TENM1: variants seen among roughly 807,000 people sequenced by gnomAD.
The protein encoded by TENM1 is teneurin-1.
Under a neutral mutation model 174.8 loss-of-function variants are expected in TENM1, and 35 were observed. The observed-to-expected ratio is 0.20, with a 90% CI of 0.15 to 0.27. The LOEUF (loss-of-function observed/expected upper bound fraction) is 0.27, where lower values mean the gene tolerates loss of function less well. Ranked by LOEUF, TENM1 falls within the 10% of genes least tolerant of loss-of-function variation. TENM1 has a pLI of 1.00. For synonymous variants in TENM1, 781 were observed against 798.7 expected, an observed-to-expected ratio of 0.98 and a Z score of 0.37; for missense variants, 1,633 against 2,130.1, an observed-to-expected ratio of 0.77 and a Z score of 4.59.
chrX:124,436,380 C>T (rs1280138558), intron 23 of TENM1, among the ~76,000 whole-genome samples: 1 of 111,518 alleles, frequency 9.0e-6, no homozygotes, highest in East Asian at 2.8e-4. Context: ...GTCATCTCAA[C>T]AGTAGCCCTT....
At chrX:124,483,648 T>G (rs2046892048) in intron 21 of TENM1, among the ~76,000 whole-genome samples, 2 of 112,659 alleles carry the variant, frequency 1.8e-5, no homozygotes, top group African/African-American at 6.4e-5. Context: ...TATTGTGTAT[T>G]TGTTTACTAA....
chrX:125,203,286 T>C, the TENM1 span, among the ~76,000 whole-genome samples: 4 of 112,638 alleles, frequency 3.6e-5, no homozygotes, highest in Non-Finnish European at 7.5e-5. Context: ...TGGACCCCAG[T>C]GGCAGAGCCC....
chrX:125,105,040 C>A, the TENM1 span, among the ~76,000 whole-genome samples: 2 of 112,038 alleles, frequency 1.8e-5, no homozygotes, highest in East Asian at 5.6e-4. Flanking sequence ...GGGTCATTTT[C>A]TATGGTCCTC....
At chrX:124,671,601 G>A (rs2051922568) in intron 6 of TENM1, 82 bp downstream of exon 9, 1 of 956,286 alleles carries the variant, frequency 1.0e-6, no homozygotes, top group Admixed American at 2.7e-5. Flanking sequence ...AATTTAATGT[G>A]AAGTGAAACC....
chrX:124,997,096 G>A, the TENM1 span, among the ~76,000 whole-genome samples: 7 of 111,200 alleles, frequency 6.3e-5, no homozygotes, highest in African/African-American at 2.0e-4. Context: ...TTCAGGGGAC[G>A]TACAAGAGAT....
chrX:124,751,995 G>A (rs1603127022), intron 3 of TENM1, among the ~76,000 whole-genome samples: 1 of 110,457 alleles, frequency 9.1e-6, no homozygotes, highest in Non-Finnish European at 1.9e-5. Flanking sequence ...ATAGTCCTTT[G>A]GGTATATACC....
At chrX:124,405,032 C>T (rs2060447088) in exon 27 of TENM1, 1 of 1,205,378 alleles carries the variant, frequency 8.3e-7, no homozygotes, top group Non-Finnish European at 1.1e-6. Flanking sequence ...AAGCCTTACC[C>T]TCAGCCTCCT....
At chrX:124,713,253 T>C (rs749123979) in intron 4 of TENM1, among the ~76,000 whole-genome samples, 6 of 111,087 alleles carry the variant, frequency 5.4e-5, no homozygotes, top group Admixed American at 4.8e-4. Context: ...ATCGTTACTA[T>C]CGTGATTTGC....
chrX:124,748,587 C>T, intron 3 of TENM1, among the ~76,000 whole-genome samples: 1 of 111,316 alleles, frequency 9.0e-6, no homozygotes, highest in Non-Finnish European at 1.9e-5. Flanking sequence ...GTCTTAGTTT[C>T]ATTTGTTTGT....
intron 4 of TENM1, among the ~76,000 whole-genome samples, chrX:124,721,973 T>C (rs756163510): frequency 2.7e-5 from 3 of 112,282 alleles, no homozygotes; most frequent in Non-Finnish European, 5.6e-5. Context: ...GCTAAGCCTT[T>C]TGATTTTGAC....
chrX:124,430,915 T>C (rs1032073981), intron 23 of TENM1, among the ~76,000 whole-genome samples: 1 of 112,084 alleles, frequency 8.9e-6, no homozygotes, highest in Non-Finnish European at 1.9e-5. Flanking sequence ...CAGAAAATGC[T>C]ACCTTAATTG....
chrX:124,661,002 T>G (rs1414720175), intron 6 of TENM1, among the ~76,000 whole-genome samples: 1 of 112,285 alleles, frequency 8.9e-6, no homozygotes, highest in Non-Finnish European at 1.9e-5. Flanking sequence ...AACTAATGAA[T>G]GGATAAACAA....
At chrX:124,968,220 C>T (rs1220270673), upstream of TENM1, among the ~76,000 whole-genome samples, 2 of 111,364 alleles carry the variant, frequency 1.8e-5, no homozygotes, top group African/African-American at 3.3e-5. Context: ...AATAATTCAC[C>T]TAACTTCATT....
rs1321324426 is a variant in TENM1, at chrX:124,583,318, G to T, written c.2078-17758C>A. Among the ~76,000 whole-genome samples, 4 of 111,197 alleles carry T rather than the reference G, an allele frequency of 3.6e-5. No homozygotes were observed. The East Asian group carries it at 8.6e-4, about 24-fold the overall frequency. ...GGCAGACTGACATCTCACACGGCCGGGTACTCCTCTGAGACAAAACTTCCA... is the reference window on the plus strand; with the variant it reads ...GGCAGACTGACATCTCACACGGCCGTGTACTCCTCTGAGACAAAACTTCCA... On this transcript the variant is annotated intron_variant, in intron 11 of 31. Transcript: ENST00000422452.
At chrX:124,777,629 T>C (rs938475411) in intron 3 of TENM1, among the ~76,000 whole-genome samples, 2 of 111,908 alleles carry the variant, frequency 1.8e-5, no homozygotes, top group Non-Finnish European at 3.8e-5. Context: ...TGATGTGCAG[T>C]GACTGGAAGA....
At chrX:124,409,226 A>G (rs945872404) in intron 25 of TENM1, among the ~76,000 whole-genome samples, 1 of 110,908 alleles carries the variant, frequency 9.0e-6, no homozygotes, top group African/African-American at 3.3e-5. Flanking sequence ...CTAGTTCTAG[A>G]TCCCTGAGGA....
chrX:124,413,885 T>C (rs2060564221), intron 25 of TENM1, among the ~76,000 whole-genome samples: 3 of 112,350 alleles, frequency 2.7e-5, no homozygotes, highest in Middle Eastern at 9.1e-3. Context: ...ACATAAGCAT[T>C]TCTGCATGGG....
At chrX:124,968,726 C>T (rs1249711826), upstream of TENM1, among the ~76,000 whole-genome samples, 1 of 111,488 alleles carries the variant, frequency 9.0e-6, no homozygotes, top group Non-Finnish European at 1.9e-5. Context: ...TCAGTGGACC[C>T]AGGTGACAAG....
chrX:125,177,300 C>T, the TENM1 span, among the ~76,000 whole-genome samples: 1 of 111,691 alleles, frequency 9.0e-6, no homozygotes, highest in South Asian at 3.7e-4. Context: ...AAATAAGTAG[C>T]TGATGCATTC....
Sources: gnomAD v4.1 joint callset for allele counts (sites outside exome capture counted in the v4.1 genomes callset) on GRCh38, gnomAD v4.1.1 for gene constraint, MANE v1.5 for transcripts, NCBI Gene and HGNC (gene_info 2026-07-23, HGNC 2026-07-21) for gene names.